SRFBP1: variants seen among roughly 807,000 people sequenced by gnomAD.
SRFBP1 encodes serum response factor binding protein 1, also known as serum response factor-binding protein 1.
In SRFBP1, 47 loss-of-function variants were observed where a neutral mutation model predicts 45.5. That is an observed-to-expected ratio of 1.03 (90% confidence interval 0.82 to 1.32). SRFBP1 has a LOEUF of 1.32. Ranked by LOEUF, SRFBP1 falls within the 40% of genes most tolerant of loss-of-function variation. The pLI is 0.00. For missense variants in SRFBP1, 621 were observed against 484.6 expected (o/e 1.28, Z -2.64); for synonymous variants, 203 against 166.3 (o/e 1.22, Z -1.70).
chr5:122,020,910 A>C (rs966827841), intron 6 of SRFBP1, 108 bp downstream of exon 6: 69 of 1,075,904 alleles, frequency 6.4e-5, no homozygotes, highest in Admixed American at 5.6e-4. Flanking sequence ...TGTACAACCC[A>C]TCCTGTTTTT....
In SRFBP1 at chr5:122,036,940, G is replaced by A. The variant is rs1341056593; in HGVS notation, n.311+14533G>A. Among the ~76,000 whole-genome samples the A allele has an allele frequency of 5.3e-5, 8 of 151,068 alleles. No individual in the cohort carries two copies. The East Asian group carries it at 1.6e-3, about 29-fold the overall frequency. ...ATGGAGTTTCACTCTTGTTGCCCAG[G>A]CTGGAGTGCAATGGCGTGATCTCGG... On this transcript the variant is annotated intron_variant and non_coding_transcript_variant, in intron 2 of 2. Coordinates refer to the SRFBP1 transcript ENST00000504881.
At position 122,069,167 on chromosome 5, in the gene SRFBP1, A is replaced by T. The variant is rs143601413; in HGVS notation, n.312-6148A>T. ...TCCTGGGTTTTTGTATCAGGCAGAAATTTCTATTAATTATGAGATTCTAGT... is the reference window on the plus strand; with the variant it reads ...TCCTGGGTTTTTGTATCAGGCAGAATTTTCTATTAATTATGAGATTCTAGT... On this transcript the variant is annotated intron_variant and non_coding_transcript_variant, in intron 2 of 2. Coordinates refer to the SRFBP1 transcript ENST00000504881. 4.1e-3 allele frequency among the ~76,000 whole-genome samples: 625 copies of T among 152,206 alleles called. 1 individual carries two copies. Among genetic ancestry groups the T allele is most frequent in the Non-Finnish European group, 4.9e-3 (335 of 67,994 alleles).
chr5:122,011,265 A>T lies in SRFBP1; in HGVS notation c.271-7995A>T, dbSNP rs541427837. Among the ~76,000 whole-genome samples the T allele has an allele frequency of 4.6e-5, 7 of 152,254 alleles. No individual in the cohort carries two copies. The East Asian group carries it at 1.4e-3, about 29-fold the overall frequency. ...TTCTGTTTACAATAAATACCCATAT[A>T]CCCAAATAAAAATTTTCCATTAAAA... On this transcript the variant is annotated intron_variant, in intron 4 of 7. Transcript: ENST00000339397.
chr5:122,003,244 C>G (rs553465048), intron 4 of SRFBP1, among the ~76,000 whole-genome samples: 12 of 151,400 alleles, frequency 7.9e-5, no homozygotes, highest in Non-Finnish European at 1.5e-4. Flanking sequence ...ACTCAGGAGG[C>G]TACACTGGGA....
chr5:122,026,758 C>T (rs1753489054), intron 7 of SRFBP1, among the ~76,000 whole-genome samples, 184 bp from the exon 8 acceptor site: 1 of 152,106 alleles, frequency 6.6e-6, no homozygotes, highest in African/African-American at 2.4e-5. Flanking sequence ...TCAAAATTGA[C>T]TACTTGTATA....
At chr5:121,976,440 G>A (rs1752305173) in intron 3 of SRFBP1, among the ~76,000 whole-genome samples, 1 of 151,668 alleles carries the variant, frequency 6.6e-6, no homozygotes, top group Non-Finnish European at 1.5e-5. Flanking sequence ...TTGTGTCTCT[G>A]TGGTTTGCAG....
intron 3 of SRFBP1, among the ~76,000 whole-genome samples, chr5:121,986,207 A>G (rs1466877571): frequency 6.6e-6 from 1 of 151,992 alleles, no homozygotes; most frequent in Non-Finnish European, 1.5e-5. Flanking sequence ...TCAAGAAGAA[A>G]GGAAGAATTA....
intron 1 of SRFBP1, among the ~76,000 whole-genome samples, chr5:121,965,837 C>G (rs900102030): frequency 6.6e-6 from 1 of 152,118 alleles, no homozygotes; most frequent in African/African-American, 2.4e-5. Context: ...GAATGTTTTT[C>G]CATTTGTATG....
At chr5:122,038,196 T>C (rs891235224) in intron 2 of SRFBP1, among the ~76,000 whole-genome samples, 2 of 152,186 alleles carry the variant, frequency 1.3e-5, no homozygotes, top group Non-Finnish European at 2.9e-5. Flanking sequence ...TTTTTTGTTA[T>C]AGTACAGGTA....
chr5:122,070,821 G>C, intron 2 of SRFBP1: 1 of 320,160 alleles, frequency 3.1e-6, no homozygotes, highest in East Asian at 4.9e-5. Context: ...CTTCTTAAAA[G>C]TGTCATATAT....
At chr5:121,999,188 G>C (rs1752802891) in intron 4 of SRFBP1, among the ~76,000 whole-genome samples, 1 of 151,940 alleles carries the variant, frequency 6.6e-6, no homozygotes, top group Admixed American at 6.6e-5. Context: ...TCTTTTCTTA[G>C]TTTAAAATGT....
intron 1 of SRFBP1, among the ~76,000 whole-genome samples, chr5:121,962,361 G>C (rs1751966626): frequency 6.6e-6 from 1 of 152,204 alleles, no homozygotes; most frequent in South Asian, 2.1e-4. Flanking sequence ...ACTCAAGATA[G>C]TTCGTCCCAG....
At position 122,027,090 on chromosome 5, in the gene SRFBP1, T is replaced by C. The variant is rs1049832739; in HGVS notation, c.1254T>C (p.Ala418=). The C allele has an allele frequency of 6.2e-7, 1 of 1,611,438 alleles. No individual in the cohort carries two copies. The change falls in exon 8 of 8, where the codon GCT becomes GCC. Residue 418 remains alanine, a synonymous_variant. Coordinates refer to ENST00000339397, the MANE Select transcript of SRFBP1 (RefSeq NM_152546.3). ...RRRKEQQSNI[A]VFQGKKITFD... ...GAAAAGAACAGCAATCTAATATTGC[T>C]GTGTTTCAGGGGAAAAAAATTACGT...
intron 7 of SRFBP1, among the ~76,000 whole-genome samples, chr5:122,025,734 G>C (rs1479800604): frequency 1.3e-5 from 2 of 152,078 alleles, no homozygotes; most frequent in Non-Finnish European, 2.9e-5. Flanking sequence ...ATAATGTTTT[G>C]TAAATATTAT....
At chr5:122,078,261 G>C, downstream of SRFBP1, 1 of 380,040 alleles carries the variant, frequency 2.6e-6, no homozygotes, top group Non-Finnish European at 4.6e-6. Context: ...GCAGTGTCTG[G>C]AGTGAAGGAA....
chr5:122,018,853 C>T (rs980199712), intron 4 of SRFBP1, among the ~76,000 whole-genome samples: 11 of 152,098 alleles, frequency 7.2e-5, no homozygotes, highest in African/African-American at 2.7e-4. Context: ...TCAAGTATTA[C>T]AGTAGTCTCA....
rs114214696 is a variant in SRFBP1 at position 122,067,809 on chromosome 5, G to T, written n.312-7506G>T. ...TGCCTGTGACGTTGACTTGCCCTGG[G>T]CTTCCTTTCCTTAATGCTCCCCGGT... is the stretch of plus-strand genomic sequence containing the variant. On this transcript the variant is annotated intron_variant and non_coding_transcript_variant, in intron 2 of 2. Coordinates refer to the SRFBP1 transcript ENST00000504881. Among the ~76,000 whole-genome samples the T allele has an allele frequency of 1.7e-3, 261 of 152,114 alleles. 1 individual carries two copies. Among genetic ancestry groups the T allele is most frequent in the African/African-American group, 6.1e-3 (253 of 41,496 alleles).
chr5:122,023,770 G>C (rs949034548), intron 7 of SRFBP1, among the ~76,000 whole-genome samples: 2 of 152,142 alleles, frequency 1.3e-5, no homozygotes. Flanking sequence ...TCCCAGGCTT[G>C]TGATTTCTTT....
chr5:122,068,966 A>G (rs1057274106), intron 2 of SRFBP1, among the ~76,000 whole-genome samples: 1 of 151,768 alleles, frequency 6.6e-6, no homozygotes, highest in African/African-American at 2.4e-5. Flanking sequence ...ACTATAACCA[A>G]CTCCACACAA....
Sources: gnomAD v4.1 joint callset for allele counts (sites outside exome capture counted in the v4.1 genomes callset) on GRCh38, gnomAD v4.1.1 for gene constraint, MANE v1.5 for transcripts, NCBI Gene and HGNC (gene_info 2026-07-23, HGNC 2026-07-21) for gene names.